The following ADK variants were observed in gnomAD, a reference collection of about 807,000 sequenced individuals.
The protein encoded by ADK is N6,N6-dimethyladenosine kinase.
ADK carries 24 observed loss-of-function variants against 44.7 expected under a neutral mutation model. The observed-to-expected ratio is 0.54, with a 90% CI of 0.39 to 0.76. The LOEUF (loss-of-function observed/expected upper bound fraction) is 0.76. Ranked by LOEUF, ADK falls within the 30% of genes least tolerant of loss-of-function variation. The pLI, the probability that ADK is intolerant of heterozygous loss-of-function variation, is 0.00. For synonymous variants in ADK, 128 were observed against 142.6 expected (o/e 0.90, Z 0.73); for missense variants, 321 against 425.1 (o/e 0.76, Z 2.15).
chr10:74,408,971 C>A (rs1377018761), intron 6 of ADK, among the ~76,000 whole-genome samples: 1 of 152,102 alleles, frequency 6.6e-6, no homozygotes, highest in Non-Finnish European at 1.5e-5. Context: ...ATCTTAAATT[C>A]ATCTTCAGGT....
At chr10:74,390,598 G>A (rs1368872627) in intron 4 of ADK, among the ~76,000 whole-genome samples, 2 of 152,150 alleles carry the variant, frequency 1.3e-5, no homozygotes, top group East Asian at 3.8e-4. Flanking sequence ...CATTGATACT[G>A]TTTTCTGATG....
intron 9 of ADK, among the ~76,000 whole-genome samples, chr10:74,632,345 C>T (rs1853469805): frequency 6.6e-6 from 1 of 152,128 alleles, no homozygotes; most frequent in South Asian, 2.1e-4. Context: ...TTTCCTAGGG[C>T]TGCCATAACA....
intron 3 of ADK, among the ~76,000 whole-genome samples, chr10:74,276,268 G>A (rs1169915483): frequency 6.6e-6 from 1 of 152,150 alleles, no homozygotes; most frequent in Admixed American, 6.5e-5. Context: ...TGAAGACAGA[G>A]CACCTTTGGT....
Position 74,600,511 on chromosome 10 carries a change from G to T in ADK, c.877+18G>T, listed in dbSNP as rs753411739. On this transcript the variant is annotated intron_variant, in intron 9 of 10. Transcript: ENST00000539909. ...GGCTACAGGTACATGTGGGAAATGT[G>T]TGATGAATCTAGTATTATGGAGATT... 1.3e-6 allele frequency: 2 copies of T among 1,539,044 alleles called. No homozygotes were observed. The highest frequency in any genetic ancestry group is 2.7e-5 in the African/African-American group (2 of 72,886).
At chr10:74,338,683 A>T (rs1298013639) in intron 4 of ADK, among the ~76,000 whole-genome samples, 1 of 152,230 alleles carries the variant, frequency 6.6e-6, no homozygotes, top group East Asian at 1.9e-4. Flanking sequence ...TACATACTGT[A>T]TGATTCCAAT....
intron 4 of ADK, among the ~76,000 whole-genome samples, chr10:74,318,428 C>T (rs1353744041): frequency 1.3e-5 from 2 of 152,118 alleles, no homozygotes; most frequent in African/African-American, 4.8e-5. Flanking sequence ...TCCCAAAGTG[C>T]GAGGATTACA....
At chr10:74,628,666 C>T (rs1853304445) in intron 9 of ADK, among the ~76,000 whole-genome samples, 1 of 151,972 alleles carries the variant, frequency 6.6e-6, no homozygotes, top group Admixed American at 6.5e-5. Context: ...TGAATACAAC[C>T]AAGATATTGT....
intron 7 of ADK, among the ~76,000 whole-genome samples, chr10:74,556,251 C>T (rs996787937): frequency 1.4e-4 from 21 of 152,182 alleles, no homozygotes; most frequent in Non-Finnish European, 2.8e-4. Flanking sequence ...GCAATGAACA[C>T]ATCACATGGT....
chr10:74,461,733 A>C (rs754001246), intron 6 of ADK, among the ~76,000 whole-genome samples: 1 of 152,072 alleles, frequency 6.6e-6, no homozygotes, highest in South Asian at 2.1e-4. Context: ...TTCAGTATGC[A>C]TATCTTCTGT....
intron 8 of ADK, among the ~76,000 whole-genome samples, chr10:74,591,904 C>A (rs1283880705): frequency 6.6e-6 from 1 of 152,076 alleles, no homozygotes; most frequent in Non-Finnish European, 1.5e-5. Context: ...CACTAGTGAT[C>A]TGGCTGCTGA....
chr10:74,368,984 A>G (rs1415549742), intron 4 of ADK, among the ~76,000 whole-genome samples: 1 of 152,072 alleles, frequency 6.6e-6, no homozygotes, highest in Non-Finnish European at 1.5e-5. Context: ...ACAGTACTGT[A>G]TTTTTCTCCA....
intron 6 of ADK, among the ~76,000 whole-genome samples, chr10:74,399,349 G>A (rs1843631083): frequency 6.6e-6 from 1 of 150,872 alleles, no homozygotes; most frequent in African/African-American, 2.4e-5. Flanking sequence ...GGTAAGATGT[G>A]TAAAAAATTG....
intron 1 of ADK, among the ~76,000 whole-genome samples, chr10:74,163,622 T>G (rs1841958781): frequency 6.6e-6 from 1 of 152,212 alleles, no homozygotes; most frequent in African/African-American, 2.4e-5. Flanking sequence ...AGGGGTCACT[T>G]AAAAACAAAA....
At chr10:74,303,588 G>GTTGTTTTTT (rs1840139803) in intron 3 of ADK, among the ~76,000 whole-genome samples, 11 of 68,582 alleles carry the variant, frequency 1.6e-4, no homozygotes, top group African/African-American at 7.1e-4. Flanking sequence ...TTTTAATGTT[G>GTTGTTTTTT]TTTTTTTTTT....
At chr10:74,561,342 G>T (rs1211173341) in intron 7 of ADK, among the ~76,000 whole-genome samples, 3 of 152,218 alleles carry the variant, frequency 2.0e-5, no homozygotes, top group Non-Finnish European at 4.4e-5. Flanking sequence ...TGATAGCACA[G>T]TGTGATAGGC....
At chr10:74,551,425 T>C (rs1850032560) in intron 7 of ADK, 2 of 152,654 alleles carry the variant, frequency 1.3e-5, no homozygotes, top group East Asian at 3.8e-4. Context: ...TTACAACTAA[T>C]TGATCACAGC....
At chr10:74,608,494 G>A (rs1852422347) in intron 9 of ADK, among the ~76,000 whole-genome samples, 1 of 152,104 alleles carries the variant, frequency 6.6e-6, no homozygotes, top group Non-Finnish European at 1.5e-5. Flanking sequence ...TGCCTCTGCT[G>A]CAGGTCTGCT....
At chr10:74,270,063 C>A (rs750418575) in intron 3 of ADK, among the ~76,000 whole-genome samples, 1 of 151,836 alleles carries the variant, frequency 6.6e-6, no homozygotes, top group Non-Finnish European at 1.5e-5. Context: ...GATATTAGTC[C>A]GATGGTAATT....
intron 10 of ADK, among the ~76,000 whole-genome samples, chr10:74,685,578 G>A (rs987024132): frequency 6.6e-6 from 1 of 152,164 alleles, no homozygotes; most frequent in Non-Finnish European, 1.5e-5. Flanking sequence ...TTTTCTAAAG[G>A]TAGAAGAAAT....
Sources: allele counts gnomAD v4.1 joint callset (sites outside exome capture counted in the v4.1 genomes callset), GRCh38; gene constraint gnomAD v4.1.1; transcripts MANE v1.5; gene names NCBI Gene and HGNC (gene_info 2026-07-23, HGNC 2026-07-21).